CDH1: variants seen among roughly 807,000 people sequenced by gnomAD.
CDH1 encodes the protein cadherin 1, also known as cadherin-1.
CDH1 carries 35 observed loss-of-function variants against 84.5 expected under a neutral mutation model. The ratio of observed to expected loss-of-function variants is 0.41; its 90% CI spans 0.32 to 0.55. The LOEUF is 0.55. Ranked by LOEUF, CDH1 falls within the 20% of genes least tolerant of loss-of-function variation. CDH1 has a pLI of 0.19. For missense variants in CDH1, 994 were observed against 1,126.6 expected, an observed-to-expected ratio of 0.88 and a Z score of 1.68; for synonymous variants, 417 against 439.0, an observed-to-expected ratio of 0.95 and a Z score of 0.63.
chr16:68,789,920 G>A lies in CDH1; in HGVS notation c.164-11750G>A, dbSNP rs1030541942. The stretch of plus-strand genomic sequence containing the variant: ...AAAACTACAAAATTAACCGGGCATG[G>A]TGGCGCATGCCTGTAATCCCATCTA... On this transcript the variant is annotated intron_variant, in intron 2 of 15. Transcript: ENST00000261769. Among the ~76,000 whole-genome samples, 105 of 152,306 alleles carry A rather than the reference G, an allele frequency of 6.9e-4. 1 individual carries two copies. The highest frequency in any genetic ancestry group is 2.4e-3 in the African/African-American group (99 of 41,560).
At chr16:68,771,411 C>T (rs529833527) in intron 2 of CDH1, among the ~76,000 whole-genome samples, 8 of 152,224 alleles carry the variant, frequency 5.3e-5, no homozygotes, top group South Asian at 4.1e-4. Flanking sequence ...CTGAGCCTCC[C>T]GAGTAGCTGG....
intron 7 of CDH1, 90 bp downstream of exon 7, chr16:68,811,949 G>T: frequency 6.7e-7 from 1 of 1,501,222 alleles, no homozygotes; most frequent in Non-Finnish European, 9.2e-7. Context: ...TAGGCCAGTT[G>T]TCAGTTAATA....
At chr16:68,815,181 A>T (rs1960949099) in intron 9 of CDH1, among the ~76,000 whole-genome samples, 1 of 152,098 alleles carries the variant, frequency 6.6e-6, no homozygotes. Flanking sequence ...GAGCCATTGC[A>T]TTCCAGCCTG....
chr16:68,765,690 CTTTT>C, intron 2 of CDH1: 1 of 146,250 alleles, frequency 6.8e-6, no homozygotes, highest in East Asian at 2.0e-4. Flanking sequence ...GACCTGTCTC[CTTTT>C]TTTTTTTTCT....
chr16:68,745,550 A>AAATATATATATATATG (rs71253605), intron 2 of CDH1, among the ~76,000 whole-genome samples: 16,461 of 48,790 alleles, frequency 0.34, 2,363 homozygotes, highest in Non-Finnish European at 0.43. Flanking sequence ...AAAAAAAAAA[A>AAATATATATATATATG]TATATATATA....
intron 2 of CDH1, among the ~76,000 whole-genome samples, chr16:68,769,021 A>G (rs1358825310): frequency 6.6e-6 from 1 of 152,074 alleles, no homozygotes; most frequent in Non-Finnish European, 1.5e-5. Context: ...GCTCACATCT[A>G]TACCCTTGTC....
chr16:68,780,023 G>C (rs567930252), intron 2 of CDH1, among the ~76,000 whole-genome samples: 1 of 152,322 alleles, frequency 6.6e-6, no homozygotes, highest in South Asian at 2.1e-4. Context: ...AGCTACGTCT[G>C]ACTTTGTCAC....
At chr16:68,804,795 T>TA (rs764858541) in intron 3 of CDH1, among the ~76,000 whole-genome samples, 19 of 149,566 alleles carry the variant, frequency 1.3e-4, no homozygotes, top group Non-Finnish European at 2.7e-4. Flanking sequence ...TTAACTTTTT[T>TA]AAAAAACAAC....
chr16:68,758,207 CTTTTTTTT>C (rs57413297), intron 2 of CDH1, among the ~76,000 whole-genome samples: 26 of 40,042 alleles, frequency 6.5e-4, no homozygotes, highest in Admixed American at 9.6e-4. Flanking sequence ...CTTTTTATTT[CTTTTTTTT>C]TTTTTTTTTT....
chr16:68,810,854 A>G (rs1960801873), intron 6 of CDH1, among the ~76,000 whole-genome samples: 1 of 151,786 alleles, frequency 6.6e-6, no homozygotes, highest in Non-Finnish European at 1.5e-5. Context: ...TGACAGATCC[A>G]GACTCCGTCT....
chr16:68,816,590 A>C (rs1960992245), intron 10 of CDH1, among the ~76,000 whole-genome samples: 1 of 152,068 alleles, frequency 6.6e-6, no homozygotes, highest in Non-Finnish European at 1.5e-5. Context: ...TCCACTAAAA[A>C]CACAAGAAAT....
chr16:68,790,639 G>A (rs141930013), intron 2 of CDH1, among the ~76,000 whole-genome samples: 89 of 152,204 alleles, frequency 5.8e-4, no homozygotes, highest in Middle Eastern at 6.8e-3. Context: ...TCCAGCCTCC[G>A]CCTCTGCAGG....
At chr16:68,815,422 T>C in intron 9 of CDH1, 93 bp from the exon 10 acceptor site, 1 of 1,532,898 alleles carries the variant, frequency 6.5e-7, no homozygotes, top group East Asian at 2.3e-5. Context: ...CAACCTAATA[T>C]ATTACCAAAA....
chr16:68,796,468 C>T (rs1449133282), intron 2 of CDH1, among the ~76,000 whole-genome samples: 3 of 152,246 alleles, frequency 2.0e-5, no homozygotes, highest in South Asian at 2.1e-4. Flanking sequence ...TGGGACCAGG[C>T]GGGCGTGGGA....
intron 13 of CDH1, among the ~76,000 whole-genome samples, chr16:68,826,804 T>G (rs1182544079): frequency 6.6e-6 from 1 of 152,154 alleles, no homozygotes; most frequent in Admixed American, 6.5e-5. Flanking sequence ...TATAGTCTTG[T>G]TCAGTGCTGT....
At chr16:68,792,291 G>A (rs552050112) in intron 2 of CDH1, among the ~76,000 whole-genome samples, 4 of 149,288 alleles carry the variant, frequency 2.7e-5, no homozygotes, top group East Asian at 2.0e-4. Flanking sequence ...GGGCAGTGGC[G>A]CAATCTTGAC....
chr16:68,782,112 T>C (rs534026593), intron 2 of CDH1, among the ~76,000 whole-genome samples: 3 of 152,220 alleles, frequency 2.0e-5, no homozygotes, highest in African/African-American at 7.2e-5. Context: ...ATTGACTTTC[T>C]CAAGTTCAGG....
At chr16:68,785,128 G>C (rs1960009204) in intron 2 of CDH1, among the ~76,000 whole-genome samples, 1 of 152,094 alleles carries the variant, frequency 6.6e-6, no homozygotes, top group African/African-American at 2.4e-5. Flanking sequence ...TCACTTGTTA[G>C]TGTCTTTTAA....
At chr16:68,779,577 CG>C (rs1322762634) in intron 2 of CDH1, among the ~76,000 whole-genome samples, 3 of 152,136 alleles carry the variant, frequency 2.0e-5, no homozygotes, top group Non-Finnish European at 4.4e-5. Context: ...AGGGGTTGGC[CG>C]GGCACGATGG....
Sources: allele counts gnomAD v4.1 joint callset (sites outside exome capture counted in the v4.1 genomes callset), GRCh38; gene constraint gnomAD v4.1.1; transcripts MANE v1.5; gene names NCBI Gene and HGNC (gene_info 2026-07-23, HGNC 2026-07-21).